MYRIP: variants seen among roughly 807,000 people sequenced by gnomAD.
MYRIP encodes the protein myosin VIIA and Rab interacting protein, also known as rab effector MyRIP.
Under a neutral mutation model 98.0 loss-of-function variants are expected in MYRIP, and 49 were observed. That is an observed-to-expected ratio of 0.50 (90% CI 0.40 to 0.63). The LOEUF (loss-of-function observed/expected upper bound fraction) is 0.63. Ranked by LOEUF, MYRIP falls within the 30% of genes least tolerant of loss-of-function variation. MYRIP has a pLI of 0.00. For missense variants in MYRIP, 1,004 were observed against 1,058.2 expected (o/e 0.95, Z 0.71); for synonymous variants, 404 against 409.5 (o/e 0.99, Z 0.16).
At chr3:40,210,828 C>T (rs1262097741) in intron 11 of MYRIP, among the ~76,000 whole-genome samples, 1 of 152,130 alleles carries the variant, frequency 6.6e-6, no homozygotes, top group Non-Finnish European at 1.5e-5. Flanking sequence ...CCCACACTCC[C>T]TCCCCATTGT....
At position 39,900,970 on chromosome 3, in the gene MYRIP, T is replaced by C. The variant is rs761994957; in HGVS notation, c.110+44T>C. 1.0e-5 allele frequency: 15 copies of C among 1,451,190 alleles called. No individual in the cohort carries two copies. In the East Asian group the frequency reaches 3.2e-4, roughly 31 times the overall value. The allele number at this position is 1,451,190 out of a possible 1,614,324, so 89.9% of individuals were successfully genotyped here. A position where few individuals can be genotyped will look rare whatever the true frequency, so the allele number is the denominator to read the frequency against. On this transcript the variant is annotated intron_variant, in intron 2 of 16. Coordinates refer to ENST00000302541, the MANE Select transcript of MYRIP (RefSeq NM_015460.4). The stretch of plus-strand genomic sequence containing the variant: ...TCAGCAGCGTACAGCAAACCACATG[T>C]GGACAAGCGTAACAGGTTTCCTGAG...
chr3:40,110,930 C>T (rs1333697689), intron 3 of MYRIP, among the ~76,000 whole-genome samples: 2 of 144,320 alleles, frequency 1.4e-5, no homozygotes, highest in East Asian at 2.1e-4. Context: ...GTGTGTGTAG[C>T]GTACTCATCT....
chr3:39,866,218 T>A (rs941146392), intron 1 of MYRIP, among the ~76,000 whole-genome samples: 4 of 151,746 alleles, frequency 2.6e-5, no homozygotes, highest in Non-Finnish European at 5.9e-5. Flanking sequence ...AAAAAAAAAA[T>A]CTAGCTATCA....
intron 2 of MYRIP, among the ~76,000 whole-genome samples, chr3:40,010,961 T>G (rs2125795742): frequency 6.6e-6 from 1 of 152,258 alleles, no homozygotes; most frequent in South Asian, 2.1e-4. Flanking sequence ...GAATAACCCA[T>G]TTCTCTTTTA....
chr3:39,924,497 G>T (rs1944373343), intron 2 of MYRIP, among the ~76,000 whole-genome samples: 1 of 151,940 alleles, frequency 6.6e-6, no homozygotes, highest in Admixed American at 6.6e-5. Context: ...TAAATTGGTA[G>T]AACTAACACT....
rs1226164699 is a variant in MYRIP, at chr3:39,926,040, A to T, written c.110+25114A>T. Among the ~76,000 whole-genome samples the T allele has an allele frequency of 2.6e-5, 4 of 152,032 alleles. No homozygotes were observed. In the East Asian group the frequency reaches 7.7e-4, roughly 29 times the overall value. On this transcript the variant is annotated intron_variant, in intron 2 of 16. Transcript: ENST00000302541. Reference sequence around the variant, plus strand: ...AAATAGCCATGCTGACTGATGTGAGATGGTATCTCATAGTGGTTTTGATTT... The same window carrying T: ...AAATAGCCATGCTGACTGATGTGAGTTGGTATCTCATAGTGGTTTTGATTT...
intron 3 of MYRIP, among the ~76,000 whole-genome samples, chr3:40,109,122 C>CT (rs978871226): frequency 6.6e-6 from 1 of 152,034 alleles, no homozygotes; most frequent in Admixed American, 6.6e-5. Flanking sequence ...CACTCTGCCT[C>CT]TTTTTTTTAT....
chr3:40,106,105 A>G (rs1949045365), intron 3 of MYRIP, among the ~76,000 whole-genome samples: 1 of 152,202 alleles, frequency 6.6e-6, no homozygotes, highest in African/African-American at 2.4e-5. Flanking sequence ...ACATATCCAA[A>G]GCATATCACA....
chr3:40,188,891 T>G (rs1294837079), intron 9 of MYRIP, among the ~76,000 whole-genome samples: 3 of 152,186 alleles, frequency 2.0e-5, no homozygotes, highest in African/African-American at 7.2e-5. Flanking sequence ...CACAGACACG[T>G]GGGAAGAAAG....
chr3:39,919,719 T>A (rs370554841), intron 2 of MYRIP, among the ~76,000 whole-genome samples: 32,157 of 145,416 alleles, frequency 0.22, 4,072 homozygotes, highest in Middle Eastern at 0.33. Flanking sequence ...TGTGTGTGTG[T>A]GTGTGTGTGA....
At chr3:40,151,604 AT>A (rs533134685) in intron 4 of MYRIP, among the ~76,000 whole-genome samples, 246 of 152,298 alleles carry the variant, frequency 1.6e-3, no homozygotes, top group African/African-American at 4.3e-3. Flanking sequence ...TTCTGTTCTT[AT>A]GGCCCAGAAG....
intron 1 of MYRIP, among the ~76,000 whole-genome samples, chr3:39,853,401 C>T (rs1942197217): frequency 6.6e-6 from 1 of 152,188 alleles, no homozygotes; most frequent in Non-Finnish European, 1.5e-5. Context: ...CTTTTCACCA[C>T]ATCCATGCCA....
intron 2 of MYRIP, among the ~76,000 whole-genome samples, chr3:40,012,720 A>G (rs1946787635): frequency 6.6e-6 from 1 of 152,180 alleles, no homozygotes; most frequent in South Asian, 2.1e-4. Context: ...AGAGTAAGCT[A>G]GAACATCTCA....
At chr3:40,105,336 T>C (rs1949032026) in intron 3 of MYRIP, among the ~76,000 whole-genome samples, 1 of 152,224 alleles carries the variant, frequency 6.6e-6, no homozygotes, top group African/African-American at 2.4e-5. Flanking sequence ...TATTAGTCCA[T>C]TCTTGCATTG....
At chr3:40,077,365 TGGTCTGTTTTGACAGGG>T (rs1177388087) in intron 3 of MYRIP, among the ~76,000 whole-genome samples, 2 of 152,192 alleles carry the variant, frequency 1.3e-5, no homozygotes, top group African/African-American at 4.8e-5. Flanking sequence ...TAGAGCCTAG[TGGTCTGTTTTGACAGGG>T]CACTGGTTGG....
Position 40,190,010 on chromosome 3 carries a change from T to A in MYRIP, c.1212T>A (p.Ser404Arg), listed in dbSNP as rs145492213. The change falls in exon 10 of 17, where the codon AGT becomes AGA. Residue 404 changes from serine (S) to arginine (R), a missense_variant. Physicochemically the swap from Ser to Arg is moderately radical, Grantham distance 110. This residue lies in a region of MYRIP where 880 missense variants were observed against 907.7 expected (regional missense o/e 0.97). Transcript: ENST00000302541. The stretch of plus-strand genomic sequence containing the variant: ...ATAGCGAGGAAGACTTTGACTGGAG[T>A]GAGGCCTTGAGCAAGCTGTGTCCCA... ...GSDSEEDFDW[S>R]EALSKLCPRS... 1 of 1,613,686 alleles carries A rather than the reference T, an allele frequency of 6.2e-7. No homozygotes were observed. The highest frequency in any genetic ancestry group is 8.5e-7 in the Non-Finnish European group (1 of 1,179,912).
chr3:39,876,080 C>G (rs1333225932), intron 1 of MYRIP, among the ~76,000 whole-genome samples: 2 of 152,136 alleles, frequency 1.3e-5, no homozygotes, highest in Non-Finnish European at 2.9e-5. Context: ...GAATTGATCC[C>G]TTTACCATTA....
intron 11 of MYRIP, among the ~76,000 whole-genome samples, chr3:40,223,045 A>G (rs1952381140): frequency 6.6e-6 from 1 of 152,228 alleles, no homozygotes; most frequent in African/African-American, 2.4e-5. Flanking sequence ...AACTAACTCC[A>G]TCCATAATAA....
chr3:39,881,088 C>T (rs2125644694), intron 1 of MYRIP, among the ~76,000 whole-genome samples: 1 of 151,996 alleles, frequency 6.6e-6, no homozygotes, highest in South Asian at 2.1e-4. Context: ...TAAGTTTATT[C>T]TTGTTCACTA....
Sources: allele counts gnomAD v4.1 joint callset (sites outside exome capture counted in the v4.1 genomes callset), GRCh38; gene constraint gnomAD v4.1.1; regional missense constraint gnomAD v4.1.1; transcripts MANE v1.5; gene names NCBI Gene and HGNC (gene_info 2026-07-23, HGNC 2026-07-21).